The following NCOA2 variants were observed in gnomAD, a reference collection of about 807,000 sequenced individuals.
NCOA2 encodes nuclear receptor coactivator 2, also known as class E basic helix-loop-helix protein 75.
A neutral mutation model predicts 145.1 loss-of-function variants in NCOA2; 21 were observed. The ratio of observed to expected loss-of-function variants is 0.14; its 90% confidence interval spans 0.10 to 0.21. The LOEUF is 0.21. Ranked by LOEUF, NCOA2 falls within the 10% of genes least tolerant of loss-of-function variation. The pLI is 1.00. For missense variants in NCOA2, 1,472 were observed against 1,837.6 expected, an observed-to-expected ratio of 0.80 and a Z score of 3.64; for synonymous variants, 619 against 637.5, an observed-to-expected ratio of 0.97 and a Z score of 0.44.
chr8:70,324,207 T>TATGG (rs1036365285), intron 1 of NCOA2, among the ~76,000 whole-genome samples: 1 of 152,224 alleles, frequency 6.6e-6, no homozygotes, highest in Non-Finnish European at 1.5e-5. Context: ...CCCTAAAGTA[T>TATGG]ATGGAGACAT....
At chr8:70,328,103 T>A (rs1331909446) in intron 1 of NCOA2, among the ~76,000 whole-genome samples, 2 of 152,242 alleles carry the variant, frequency 1.3e-5, no homozygotes, top group East Asian at 3.8e-4. Context: ...TAGTTTCAGA[T>A]GAGACCGTCT....
At chr8:70,328,128 C>T (rs1274724097) in intron 1 of NCOA2, among the ~76,000 whole-genome samples, 1 of 152,144 alleles carries the variant, frequency 6.6e-6, no homozygotes, top group East Asian at 1.9e-4. Flanking sequence ...AATCAGCGTA[C>T]CTGAGACACA....
At chr8:70,288,395 T>C (rs1826404212) in intron 2 of NCOA2, among the ~76,000 whole-genome samples, 1 of 152,000 alleles carries the variant, frequency 6.6e-6, no homozygotes, top group African/African-American at 2.4e-5. Context: ...CCTGGCCAAA[T>C]GGCGAAACCC....
At chr8:70,330,736 A>G (rs1807025229) in intron 1 of NCOA2, among the ~76,000 whole-genome samples, 1 of 152,226 alleles carries the variant, frequency 6.6e-6, no homozygotes, top group Non-Finnish European at 1.5e-5. Context: ...ACAAAAAGTA[A>G]CGTGCACAGT....
Position 70,141,297 on chromosome 8 carries a change from A to G in NCOA2, c.2915T>C (p.Met972Thr). The change falls in exon 14 of 23, where the codon ATG becomes ACG. Residue 972 changes from methionine to threonine, a missense_variant. By Grantham distance (81) the Met-to-Thr change is moderately conservative. Coordinates refer to ENST00000452400, the MANE Select transcript of NCOA2 (RefSeq NM_006540.4). ...RVTCAATTSA[M>T]NRPVQGGMIR... ...CATACCTCCTTGGACTGGCCGGTTC[A>G]TGGCACTGGTGGTAGCAGCACAGGT... The G allele has an allele frequency of 6.2e-7, 1 of 1,613,930 alleles. No individual in the cohort carries two copies. The highest frequency in any genetic ancestry group is 8.5e-7 in the Non-Finnish European group (1 of 1,179,866).
chr8:70,305,000 T>C (rs567835662), intron 1 of NCOA2, among the ~76,000 whole-genome samples: 71 of 151,668 alleles, frequency 4.7e-4, no homozygotes, highest in Admixed American at 8.5e-4. Flanking sequence ...AGGACTATAT[T>C]AGGCATGCAC....
chr8:70,344,318 G>C (rs367875560), intron 1 of NCOA2, among the ~76,000 whole-genome samples: 1 of 152,328 alleles, frequency 6.6e-6, no homozygotes, highest in East Asian at 1.9e-4. Flanking sequence ...TACTAAGCTT[G>C]AGAGAAGATA....
chr8:70,375,501 T>A (rs952488836), intron 1 of NCOA2, among the ~76,000 whole-genome samples: 8 of 152,114 alleles, frequency 5.3e-5, no homozygotes, highest in Non-Finnish European at 8.8e-5. Flanking sequence ...TAAACATAGA[T>A]AGAAATTAAA....
At chr8:70,330,501 G>A (rs1806998013) in intron 1 of NCOA2, among the ~76,000 whole-genome samples, 1 of 151,062 alleles carries the variant, frequency 6.6e-6, no homozygotes, top group Admixed American at 6.6e-5. Flanking sequence ...AGCCCAGGAG[G>A]TCTAGGCTAC....
At chr8:70,285,985 A>AT (rs1418927674) in intron 2 of NCOA2, among the ~76,000 whole-genome samples, 5 of 152,226 alleles carry the variant, frequency 3.3e-5, no homozygotes, top group Non-Finnish European at 7.3e-5. Context: ...TCAGCTAAAA[A>AT]TGGGGTAAGT....
At position 70,166,842 on chromosome 8, in the gene NCOA2, A is replaced by G. The variant is rs147202935; in HGVS notation, c.542-88T>C. ...ATTATTAAAATGATGTAGGAAAAAT[A>G]TGATTATTTCATCTTTATGTACTAC... On this transcript the variant is annotated intron_variant, in intron 6 of 22. Coordinates refer to ENST00000452400, the MANE Select transcript of NCOA2 (RefSeq NM_006540.4). 1.6e-5 allele frequency: 19 copies of G among 1,223,416 alleles called. No homozygotes were observed. In the African/African-American group the frequency reaches 2.1e-4, roughly 14 times the overall value. 75.8% of individuals were successfully genotyped at this position (1,223,416 alleles called of 1,614,324 possible).
chr8:70,329,160 T>C lies in NCOA2; in HGVS notation c.-76-32360A>G, dbSNP rs544977300. Among the ~76,000 whole-genome samples, 8 of 152,246 alleles carry C rather than the reference T, an allele frequency of 5.3e-5. No individual in the cohort carries two copies. The East Asian group carries it at 1.5e-3, about 29-fold the overall frequency. On this transcript the variant is annotated intron_variant, in intron 1 of 22. Transcript: ENST00000452400. ...CTTTTTTTGAGACAGGGTCTCACTC[T>C]GCTGCCCAGGAGTGCAGTGGTGCTA... is the stretch of plus-strand genomic sequence containing the variant.
chr8:70,344,510 A>G (rs1447713396), intron 1 of NCOA2, among the ~76,000 whole-genome samples: 3 of 152,190 alleles, frequency 2.0e-5, no homozygotes, highest in Non-Finnish European at 4.4e-5. Context: ...TTATGTCTCC[A>G]TTAATAACAA....
intron 2 of NCOA2, among the ~76,000 whole-genome samples, chr8:70,250,190 G>A (rs1482706524): frequency 6.6e-6 from 1 of 151,600 alleles, no homozygotes; most frequent in Non-Finnish European, 1.5e-5. Flanking sequence ...TCAGGAGTTT[G>A]AGACCAGCCT....
At chr8:70,344,758 G>A (rs527936998) in intron 1 of NCOA2, among the ~76,000 whole-genome samples, 4 of 152,188 alleles carry the variant, frequency 2.6e-5, no homozygotes, top group Admixed American at 1.3e-4. Context: ...CACAACATCA[G>A]TCAGGATTAT....
At chr8:70,303,122 C>CAA (rs1407513415) in intron 1 of NCOA2, among the ~76,000 whole-genome samples, 1 of 152,060 alleles carries the variant, frequency 6.6e-6, no homozygotes, top group African/African-American at 2.4e-5. Flanking sequence ...GTTGAATGTA[C>CAA]AAAGTTCAAA....
chr8:70,193,118 A>G (rs1816872360), intron 4 of NCOA2, among the ~76,000 whole-genome samples: 1 of 151,956 alleles, frequency 6.6e-6, no homozygotes, highest in Non-Finnish European at 1.5e-5. Flanking sequence ...TCATACTTGA[A>G]AATGATATAT....
the NCOA2 span, among the ~76,000 whole-genome samples, chr8:70,430,604 A>G: frequency 5.3e-5 from 8 of 152,120 alleles, no homozygotes; most frequent in Non-Finnish European, 1.5e-5. Flanking sequence ...CCACTGCCTC[A>G]TTGGCTGTCA....
chr8:70,380,952 T>C (rs1812135773), intron 1 of NCOA2, among the ~76,000 whole-genome samples: 1 of 151,848 alleles, frequency 6.6e-6, no homozygotes, highest in Non-Finnish European at 1.5e-5. Flanking sequence ...GGTGCCCGCC[T>C]GTGGTCCCGA....
Sources: allele counts gnomAD v4.1 joint callset (sites outside exome capture counted in the v4.1 genomes callset), GRCh38; gene constraint gnomAD v4.1.1; transcripts MANE v1.5; gene names NCBI Gene and HGNC (gene_info 2026-07-23, HGNC 2026-07-21).